Variants in TMEM132C observed in about 807,000 individuals in gnomAD.
TMEM132C encodes protein phosphatase 1, regulatory subunit 152.
A neutral mutation model predicts 61.4 loss-of-function variants in TMEM132C; 29 were observed. The observed-to-expected ratio is 0.47, with a 90% confidence interval of 0.35 to 0.64. TMEM132C has a LOEUF of 0.64. TMEM132C is among the 30% of genes least tolerant of loss of function. The pLI is 0.00. For synonymous variants in TMEM132C, 656 were observed against 633.1 expected, an observed-to-expected ratio of 1.04 and a Z score of -0.54; for missense variants, 1,408 against 1,476.9, an observed-to-expected ratio of 0.95 and a Z score of 0.76.
chr12:128,648,685 A>G (rs111382200), intron 4 of TMEM132C, among the ~76,000 whole-genome samples: 4,870 of 145,686 alleles, frequency 0.033, 188 homozygotes, highest in African/African-American at 0.11. Flanking sequence ...GTCCATCAGC[A>G]TTGGATGTGA....
intron 5 of TMEM132C, among the ~76,000 whole-genome samples, chr12:128,687,379 C>G (rs1172960648): frequency 6.6e-6 from 1 of 152,150 alleles, no homozygotes; most frequent in East Asian, 1.9e-4. Context: ...TACCCTCCAT[C>G]CCCTAGATAC....
At chr12:128,703,793 T>C (rs1954818671) in intron 8 of TMEM132C, among the ~76,000 whole-genome samples, 1 of 152,184 alleles carries the variant, frequency 6.6e-6, no homozygotes, top group Admixed American at 6.5e-5. Context: ...CCAACCTACT[T>C]TGTGGAAGAG....
At position 128,707,139 on chromosome 12, in the gene TMEM132C, T is replaced by C. The variant is rs1954848050; in HGVS notation, c.*844T>C. 2.0e-5 allele frequency: 3 copies of C among 151,918 alleles called. No individual in the cohort carries two copies. Among genetic ancestry groups the C allele is most frequent in the South Asian group, 4.2e-4 (2 of 4,816 alleles). The allele number at this position is 151,918 out of a possible 1,614,324, so 9.4% of individuals were successfully genotyped here. Reference sequence around the variant, plus strand: ...GAGCCTTCTGGGGGAGGAGAGGAACTGTCCTTAATCCATCACCACTACCAT... The same window carrying C: ...GAGCCTTCTGGGGGAGGAGAGGAACCGTCCTTAATCCATCACCACTACCAT... On this transcript the variant is annotated 3_prime_UTR_variant, in exon 9 of 9. Coordinates refer to ENST00000435159, the MANE Select transcript of TMEM132C (RefSeq NM_001136103.3).
At chr12:128,347,393 G>GTCTC (rs1330764900) in intron 1 of TMEM132C, among the ~76,000 whole-genome samples, 71 of 116,754 alleles carry the variant, frequency 6.1e-4, no homozygotes, top group Middle Eastern at 4.3e-3. Context: ...GCATGCATAT[G>GTCTC]TATGTCTCTC....
intron 2 of TMEM132C, among the ~76,000 whole-genome samples, chr12:128,509,988 G>A (rs1310691741): frequency 6.6e-6 from 1 of 152,174 alleles, no homozygotes; most frequent in Non-Finnish European, 1.5e-5. Flanking sequence ...TTACTGAGTA[G>A]GGGATGCTGG....
At chr12:128,298,388 G>A (rs1001253928) in intron 1 of TMEM132C, among the ~76,000 whole-genome samples, 29 of 123,146 alleles carry the variant, frequency 2.4e-4, no homozygotes, top group Admixed American at 9.3e-4. Context: ...CAATTGTTAT[G>A]TTGATTTTTT....
intron 8 of TMEM132C, among the ~76,000 whole-genome samples, chr12:128,703,586 C>T (rs188952733): frequency 6.6e-6 from 1 of 152,274 alleles, no homozygotes; most frequent in East Asian, 1.9e-4. Context: ...ATGGAGGAGG[C>T]TGAAATATGC....
At chr12:128,621,562 C>G (rs1953963679) in intron 4 of TMEM132C, among the ~76,000 whole-genome samples, 1 of 152,218 alleles carries the variant, frequency 6.6e-6, no homozygotes. Flanking sequence ...TGTGTTGCAG[C>G]TGACACCTTG....
intron 1 of TMEM132C, among the ~76,000 whole-genome samples, chr12:128,405,394 A>G (rs1244136032): frequency 6.6e-6 from 1 of 152,166 alleles, no homozygotes; most frequent in Non-Finnish European, 1.5e-5. Flanking sequence ...GGAGTCGTTC[A>G]TGTGGGCACC....
rs528640902 is a variant in TMEM132C at position 128,610,396 on chromosome 12, G to A, written c.1122-5756G>A. On this transcript the variant is annotated intron_variant, in intron 3 of 8. Transcript: ENST00000435159. ...AGACTCAATTTTCTTACCAAATAGAGTCTGACAGCTAAGAGGTTTGGTAAA... is the reference window on the plus strand; with the variant it reads ...AGACTCAATTTTCTTACCAAATAGAATCTGACAGCTAAGAGGTTTGGTAAA... Among the ~76,000 whole-genome samples the A allele has an allele frequency of 1.8e-4, 27 of 152,310 alleles. 1 individual carries two copies. Among genetic ancestry groups the A allele is most frequent in the Admixed American group, 1.4e-3 (22 of 15,302 alleles).
chr12:128,531,251 G>T (rs1380167651), intron 2 of TMEM132C, among the ~76,000 whole-genome samples: 1 of 149,990 alleles, frequency 6.7e-6, no homozygotes, highest in Non-Finnish European at 1.5e-5. Flanking sequence ...CATTTGATGA[G>T]TCACTGATAG....
In TMEM132C at chr12:128,706,715, A is replaced by T. The variant is rs1169459763; in HGVS notation, c.*420A>T. 6.4e-6 allele frequency: 1 copy of T among 155,860 alleles called. No individual in the cohort carries two copies. The highest frequency in any genetic ancestry group is 6.4e-5 in the Admixed American group (1 of 15,628). 9.7% of individuals were successfully genotyped at this position (155,860 alleles called of 1,614,324 possible). On this transcript the variant is annotated 3_prime_UTR_variant, in exon 9 of 9. Coordinates refer to ENST00000435159, the MANE Select transcript of TMEM132C (RefSeq NM_001136103.3). ...ATAAAAATAGGACCTGCTAAGAGAC[A>T]TTTTCCATTCTAATTCACGATTCAC...
chr12:128,398,732 T>C (rs1025248865), intron 1 of TMEM132C, among the ~76,000 whole-genome samples: 3 of 152,128 alleles, frequency 2.0e-5, no homozygotes, highest in South Asian at 2.1e-4. Flanking sequence ...ACTTCACGCA[T>C]AGGGATGTTG....
At chr12:128,669,700 T>C in intron 5 of TMEM132C, 140 bp downstream of exon 5, 1 of 1,095,180 alleles carries the variant, frequency 9.1e-7, no homozygotes, top group Non-Finnish European at 1.3e-6. Context: ...GCTGATCCAC[T>C]CAACGTGTCC....
At chr12:128,464,202 C>A (rs182422279) in intron 2 of TMEM132C, among the ~76,000 whole-genome samples, 1 of 152,162 alleles carries the variant, frequency 6.6e-6, no homozygotes, top group South Asian at 2.1e-4. Context: ...TGGAGAATAC[C>A]GTTCATGAGC....
chr12:128,374,127 GC>G (rs1309797077), intron 1 of TMEM132C, among the ~76,000 whole-genome samples: 1 of 152,182 alleles, frequency 6.6e-6, no homozygotes, highest in Non-Finnish European at 1.5e-5. Flanking sequence ...ATGATGACTG[GC>G]CCGGGTGGGG....
chr12:128,402,664 C>T (rs1005794530), intron 1 of TMEM132C, among the ~76,000 whole-genome samples: 3 of 152,028 alleles, frequency 2.0e-5, no homozygotes, highest in East Asian at 1.9e-4. Context: ...GGGTGGTCAG[C>T]GGGGGAGGGC....
At chr12:128,401,519 G>A (rs1165903854) in intron 1 of TMEM132C, among the ~76,000 whole-genome samples, 1 of 152,096 alleles carries the variant, frequency 6.6e-6, no homozygotes, top group Non-Finnish European at 1.5e-5. Flanking sequence ...TAGCTATGTT[G>A]GAGCAAGTTG....
chr12:128,566,743 T>C, intron 3 of TMEM132C, among the ~76,000 whole-genome samples: 1 of 152,216 alleles, frequency 6.6e-6, no homozygotes, highest in East Asian at 1.9e-4. Flanking sequence ...TCGTACTGTA[T>C]GGTGCCTCAG....
Sources: gnomAD v4.1 joint callset for allele counts (sites outside exome capture counted in the v4.1 genomes callset) on GRCh38, gnomAD v4.1.1 for gene constraint, MANE v1.5 for transcripts, NCBI Gene and HGNC (gene_info 2026-07-23, HGNC 2026-07-21) for gene names.